DNAJC11: variants seen among roughly 807,000 people sequenced by gnomAD.
The protein encoded by DNAJC11 is DnaJ heat shock protein family (Hsp40) member C11.
In DNAJC11, 15 loss-of-function variants were observed where a neutral mutation model predicts 78.6. The ratio of observed to expected loss-of-function variants is 0.19; its 90% CI spans 0.13 to 0.29. The LOEUF (loss-of-function observed/expected upper bound fraction) is 0.29, where lower values mean the gene tolerates loss of function less well. Ranked by LOEUF, DNAJC11 falls within the 10% of genes least tolerant of loss-of-function variation. The pLI, the probability that DNAJC11 is intolerant of heterozygous loss-of-function variation, is 1.00. For synonymous variants in DNAJC11, 292 were observed against 272.1 expected (o/e 1.07, Z -0.72); for missense variants, 547 against 709.6 (o/e 0.77, Z 2.60).
intron 3 of DNAJC11, 70 bp downstream of exon 3, chr1:6,678,324 G>C (rs933338062): frequency 5.9e-6 from 8 of 1,351,108 alleles, no homozygotes; most frequent in African/African-American, 4.3e-5. Flanking sequence ...ACAGATTGCA[G>C]GGTTTTGGGG....
At chr1:6,698,534 A>G (rs1404827196) in intron 1 of DNAJC11, among the ~76,000 whole-genome samples, 3 of 152,164 alleles carry the variant, frequency 2.0e-5, no homozygotes, top group African/African-American at 7.2e-5. Flanking sequence ...GACAACAGAA[A>G]GTGACTTCTG....
chr1:6,670,760 C>T lies in DNAJC11; in HGVS notation c.277-2950G>A, dbSNP rs1408558502. 11 of 152,238 alleles carry T rather than the reference C, an allele frequency of 7.2e-5. No homozygotes were observed. In the East Asian group the frequency reaches 1.5e-3, roughly 21 times the overall value. The allele number at this position is 152,238 out of a possible 1,614,324, so 9.4% of individuals were successfully genotyped here. Reference sequence around the variant, plus strand: ...TGGGTTCTATTTCGTGAACAAGATGCGTTCCCGCTGCCCAGGCTTAAAATC... The same window carrying T: ...TGGGTTCTATTTCGTGAACAAGATGTGTTCCCGCTGCCCAGGCTTAAAATC... On this transcript the variant is annotated intron_variant, in intron 3 of 15. Transcript: ENST00000377577.
chr1:6,652,812 C>A lies in DNAJC11; in HGVS notation c.630+17G>T, dbSNP rs376352795. Reference sequence around the variant, plus strand: ...GCTTTGCACAGACAACACAACTCAGCCAATAGACATTCTTACCTCTCCCCA... The same window carrying A: ...GCTTTGCACAGACAACACAACTCAGACAATAGACATTCTTACCTCTCCCCA... On this transcript the variant is annotated intron_variant, in intron 6 of 15. Transcript: ENST00000377577. The A allele has an allele frequency of 1.2e-6, 2 of 1,614,000 alleles. No homozygotes were observed. Among genetic ancestry groups the A allele is most frequent in the Non-Finnish European group, 8.5e-7 (1 of 1,179,950 alleles).
At chr1:6,677,779 A>T (rs1306420661) in intron 3 of DNAJC11, among the ~76,000 whole-genome samples, 1 of 152,220 alleles carries the variant, frequency 6.6e-6, no homozygotes, top group Non-Finnish European at 1.5e-5. Context: ...GATTTTAGTG[A>T]CTGCTCTCCC....
chr1:6,634,845 C>T lies in DNAJC11; in HGVS notation c.*830G>A. On this transcript the variant is annotated 3_prime_UTR_variant, in exon 16 of 16. Transcript: ENST00000377577. ...CCTTTGGGTTGGGTGTGTCTGATGT[C>T]TTGCCAAGCGCCTGGTCCTGTCCTC... The T allele has an allele frequency of 8.1e-7, 1 of 1,236,664 alleles. No individual in the cohort carries two copies. Among genetic ancestry groups the T allele is most frequent in the Non-Finnish European group, 1.0e-6 (1 of 954,140 alleles). The allele number at this position is 1,236,664 out of a possible 1,614,324, so 76.6% of individuals were successfully genotyped here.
At position 6,652,937 on chromosome 1, in the gene DNAJC11, C is replaced by T. The variant is rs751283541; in HGVS notation, c.522G>A (p.Ala174=). Residue 174 remains alanine (A), a synonymous_variant, in exon 6 of 16, where the codon GCG becomes GCA. Coordinates refer to ENST00000377577, the MANE Select transcript of DNAJC11 (RefSeq NM_018198.4). ...ISQSIEAPLT[A]TDTAILSGSL... ...TTCCAGAGAGGATGGCTGTGTCTGT[C>T]GCTGTCAAGGGTGCCTAAAAATGGT... The T allele has an allele frequency of 4.0e-5, 65 of 1,613,940 alleles. No homozygotes were observed. In the East Asian group the frequency reaches 7.8e-4, roughly 19 times the overall value.
At chr1:6,697,347 C>T (rs560470864) in intron 1 of DNAJC11, among the ~76,000 whole-genome samples, 2 of 152,300 alleles carry the variant, frequency 1.3e-5, no homozygotes, top group East Asian at 1.9e-4. Context: ...TTTAGCACCA[C>T]GGACTGGTTT....
intron 12 of DNAJC11, 123 bp downstream of exon 12, chr1:6,638,172 A>C: frequency 2.2e-6 from 2 of 922,246 alleles, no homozygotes; most frequent in South Asian, 1.8e-5. Flanking sequence ...CACAATAAAG[A>C]CTAAGTGGAG....
At chr1:6,657,876 A>G (rs1208362489) in intron 4 of DNAJC11, among the ~76,000 whole-genome samples, 1 of 152,160 alleles carries the variant, frequency 6.6e-6, no homozygotes, top group African/African-American at 2.4e-5. Context: ...CGATCTCCTG[A>G]CCTCGTGATC....
At chr1:6,636,696 G>C (rs1208137074) in intron 14 of DNAJC11, among the ~76,000 whole-genome samples, 1 of 152,098 alleles carries the variant, frequency 6.6e-6, no homozygotes, top group Non-Finnish European at 1.5e-5. Context: ...TTACTGAGTG[G>C]TGAAAGAAAT....
chr1:6,636,791 G>A (rs550861542), intron 14 of DNAJC11, among the ~76,000 whole-genome samples: 2 of 152,172 alleles, frequency 1.3e-5, no homozygotes, highest in African/African-American at 4.8e-5. Context: ...TGACGGCAAA[G>A]ATCCCACTTT....
In DNAJC11 at chr1:6,667,769, C is replaced by T. The variant is rs1557479352; in HGVS notation, c.318G>A (p.Glu106=). The stretch of plus-strand genomic sequence containing the variant: ...CTCTCTCTCTCTGCAGCCGCTCAAA[C>T]TCCTCTCGAATTTCAGCAGGGGTTC... ...RRRTPAEIRE[E]FERLQREREE... Residue 106 remains glutamate, a synonymous_variant, in exon 4 of 16, where the codon GAG becomes GAA. Transcript: ENST00000377577. The T allele has an allele frequency of 6.2e-7, 1 of 1,614,160 alleles. No individual in the cohort carries two copies. The highest frequency in any genetic ancestry group is 1.1e-5 in the South Asian group (1 of 91,078).
chr1:6,667,710 T>C lies in DNAJC11; in HGVS notation c.377A>G (p.Lys126Arg). 2 of 1,614,056 alleles carry C rather than the reference T, an allele frequency of 1.2e-6. No individual in the cohort carries two copies. The highest frequency in any genetic ancestry group is 1.7e-6 in the Non-Finnish European group (2 of 1,179,934). Residue 126 changes from lysine to arginine, a missense_variant and splice_region_variant, in exon 4 of 16, where the codon AAG (lysine) becomes AGG (arginine). Physicochemically the swap from Lys to Arg is conservative, Grantham distance 26. Coordinates refer to ENST00000377577, the MANE Select transcript of DNAJC11 (RefSeq NM_018198.4). The stretch of plus-strand genomic sequence containing the variant: ...CATGAAACGTGGCCCCTGGCTTACC[T>C]TGGGATTGGTTCGCTGCTGCAATCT... ...ERRLQQRTNP[K>R]GTISVGVDAT...
intron 1 of DNAJC11, among the ~76,000 whole-genome samples, chr1:6,694,343 C>T (rs984568130): frequency 1.3e-5 from 2 of 152,256 alleles, no homozygotes; most frequent in South Asian, 2.1e-4. Context: ...TCCCCATGGC[C>T]ACTTTTACTT....
intron 2 of DNAJC11, among the ~76,000 whole-genome samples, chr1:6,679,045 C>T (rs1642514679): frequency 6.6e-6 from 1 of 152,146 alleles, no homozygotes; most frequent in Admixed American, 6.5e-5. Context: ...ACAAGGTGTA[C>T]AAGGTGCACC....
chr1:6,645,258 G>A lies in DNAJC11; in HGVS notation c.895-132C>T, dbSNP rs1267224321. 7 of 660,814 alleles carry A rather than the reference G, an allele frequency of 1.1e-5. No individual in the cohort carries two copies. 40.9% of individuals were successfully genotyped at this position (660,814 alleles called of 1,614,324 possible). A position where few individuals can be genotyped will look rare whatever the true frequency, so the allele number is the denominator to read the frequency against. On this transcript the variant is annotated intron_variant, in intron 8 of 15. Transcript: ENST00000377577. This position sits in a 1 kb window ranked among gnomAD's most constrained non-coding sequence, Gnocchi z 4.1. The stretch of plus-strand genomic sequence containing the variant: ...TTAAGGCAGGGGTCACGGTCTGGCA[G>A]CCGCAGTGAGTGCACCATGATTTAT...
chr1:6,638,374 G>A lies in DNAJC11; in HGVS notation c.1254-10C>T. ...CTGCTTCTCCAATTCCCTTACGCGA[G>A]AGGAACACAAGCCCCACGTTAGCGC... On this transcript the variant is annotated splice_polypyrimidine_tract_variant and intron_variant, in intron 11 of 15. Coordinates refer to ENST00000377577, the MANE Select transcript of DNAJC11 (RefSeq NM_018198.4). 6.2e-7 allele frequency: 1 copy of A among 1,612,380 alleles called. No homozygotes were observed. Among genetic ancestry groups the A allele is most frequent in the Non-Finnish European group, 8.5e-7 (1 of 1,179,178 alleles).
intron 1 of DNAJC11, among the ~76,000 whole-genome samples, chr1:6,699,569 G>T (rs1363566038): frequency 6.6e-6 from 1 of 151,836 alleles, no homozygotes; most frequent in Non-Finnish European, 1.5e-5. Flanking sequence ...TCTAAAAACT[G>T]GAAAAAAAGT....
At chr1:6,691,343 T>C (rs1420938812) in intron 1 of DNAJC11, among the ~76,000 whole-genome samples, 5 of 152,128 alleles carry the variant, frequency 3.3e-5, no homozygotes, top group Non-Finnish European at 5.9e-5. Context: ...CAGAGGTCAT[T>C]GCAAGGGCTC....
Sources: gnomAD v4.1 joint callset for allele counts (sites outside exome capture counted in the v4.1 genomes callset) on GRCh38, gnomAD v4.1.1 for gene constraint, Gnocchi (gnomAD v3.1) non-coding constraint, MANE v1.5 for transcripts, NCBI Gene and HGNC (gene_info 2026-07-23, HGNC 2026-07-21) for gene names.